Variants in MAPK14 observed in about 807,000 individuals in gnomAD.
MAPK14 encodes the protein CSAID-binding protein.
In MAPK14, 16 loss-of-function variants were observed where a neutral mutation model predicts 49.6. That is an observed-to-expected ratio of 0.32 (90% CI 0.22 to 0.49). The LOEUF is 0.49. Among genes scored for constraint, MAPK14 ranks in the 20% least tolerant of loss-of-function variants. MAPK14 has a pLI of 0.99. For synonymous variants in MAPK14, 142 were observed against 158.0 expected (o/e 0.90, Z 0.76); for missense variants, 200 against 441.2 (o/e 0.45, Z 4.90).
chr6:36,060,763 A>G (rs1362796744), intron 3 of MAPK14, among the ~76,000 whole-genome samples: 2 of 152,256 alleles, frequency 1.3e-5, no homozygotes, highest in African/African-American at 4.8e-5. Flanking sequence ...AAAGGGAAGG[A>G]GGAAAGGTGG....
At chr6:36,047,619 A>T (rs1763230648) in intron 1 of MAPK14, among the ~76,000 whole-genome samples, 1 of 152,226 alleles carries the variant, frequency 6.6e-6, no homozygotes, top group South Asian at 2.1e-4. Context: ...GCTAGAGTGC[A>T]GTGGTGCCAT....
chr6:36,098,026 T>G (rs1232815784), intron 9 of MAPK14: 1 of 152,100 alleles, frequency 6.6e-6, no homozygotes, highest in Admixed American at 6.5e-5. Flanking sequence ...AAGTACCTGT[T>G]TATCTTAAAA....
chr6:36,105,642 A>T (rs1284891524), intron 10 of MAPK14, among the ~76,000 whole-genome samples: 1 of 152,224 alleles, frequency 6.6e-6, no homozygotes, highest in Non-Finnish European at 1.5e-5. Context: ...TTGAATTGAC[A>T]CATGAATATT....
intron 8 of MAPK14, among the ~76,000 whole-genome samples, chr6:36,094,972 CAG>C (rs1193231266): frequency 6.6e-6 from 1 of 152,122 alleles, no homozygotes; most frequent in Non-Finnish European, 1.5e-5. Context: ...CCTGATGGGT[CAG>C]AAGACAGTCA....
intron 3 of MAPK14, among the ~76,000 whole-genome samples, chr6:36,070,466 G>A (rs900348765): frequency 1.3e-5 from 2 of 152,330 alleles, no homozygotes; most frequent in East Asian, 1.9e-4. Flanking sequence ...GAGACATAAT[G>A]AGTACATGGA....
the MAPK14 span, among the ~76,000 whole-genome samples, chr6:36,121,415 G>A: frequency 1.3e-5 from 2 of 152,192 alleles, no homozygotes; most frequent in Admixed American, 1.3e-4. Flanking sequence ...CCCTCAAGCT[G>A]CCCAGCTGGA....
chr6:36,110,674 A>C lies in MAPK14; in HGVS notation c.*2227A>C, dbSNP rs1765939931. On this transcript the variant is annotated 3_prime_UTR_variant, in exon 12 of 12. Coordinates refer to ENST00000229794, the MANE Select transcript of MAPK14 (RefSeq NM_139012.3). The stretch of plus-strand genomic sequence containing the variant: ...TGAGGGAAATTGCTATTTTATTTGT[A>C]TTCATGAACTTGGCTGTAATCAGTT... 1 of 152,418 alleles carries C rather than the reference A, an allele frequency of 6.6e-6. No individual in the cohort carries two copies. The highest frequency in any genetic ancestry group is 6.5e-5 in the Admixed American group (1 of 15,284). 9.4% of individuals were successfully genotyped at this position (152,418 alleles called of 1,614,324 possible).
chr6:36,037,072 A>G (rs1253476950), intron 1 of MAPK14, among the ~76,000 whole-genome samples: 1 of 152,138 alleles, frequency 6.6e-6, no homozygotes, highest in African/African-American at 2.4e-5. Context: ...AGGTATGTGC[A>G]TATATATATT....
chr6:36,031,796 G>A lies in MAPK14; in HGVS notation c.116+3523G>A, dbSNP rs1395770827. On this transcript the variant is annotated intron_variant, in intron 1 of 11. Transcript: ENST00000229794. ...ATTTAGGGAATTTGGACTCAAGTCT[G>A]ATAAGAAAGATAAGGCAATCAGGTT... is the stretch of plus-strand genomic sequence containing the variant. Among the ~76,000 whole-genome samples, 2 of 152,254 alleles carry A rather than the reference G, an allele frequency of 1.3e-5. 1 individual carries two copies. The highest frequency in any genetic ancestry group is 4.2e-4 in the South Asian group (2 of 4,818).
Position 36,109,751 on chromosome 6 carries a change from T to C in MAPK14, c.*1304T>C, listed in dbSNP as rs1801402. 5 of 152,634 alleles carry C rather than the reference T, an allele frequency of 3.3e-5. No individual in the cohort carries two copies. Among genetic ancestry groups the C allele is most frequent in the Admixed American group, 1.3e-4 (2 of 15,282 alleles). The allele number at this position is 152,634 out of a possible 1,614,324, so 9.5% of individuals were successfully genotyped here. ...AGTTATTCTCTTCACTCCCAATAACTAATGCTAAGAAATGCTGAAAATCAA... is the reference window on the plus strand; with the variant it reads ...AGTTATTCTCTTCACTCCCAATAACCAATGCTAAGAAATGCTGAAAATCAA... On this transcript the variant is annotated 3_prime_UTR_variant, in exon 12 of 12. Coordinates refer to ENST00000229794, the MANE Select transcript of MAPK14 (RefSeq NM_139012.3).
intron 2 of MAPK14, among the ~76,000 whole-genome samples, chr6:36,056,901 T>C (rs1256714726): frequency 6.6e-6 from 1 of 152,068 alleles, no homozygotes; most frequent in African/African-American, 2.4e-5. Flanking sequence ...AGACCAGAGG[T>C]CTTAAGCCAG....
chr6:36,114,754 A>C (rs201604808), downstream of MAPK14, among the ~76,000 whole-genome samples: 8 of 152,310 alleles, frequency 5.3e-5, no homozygotes, highest in Non-Finnish European at 7.4e-5. Flanking sequence ...TTAAAAAAAA[A>C]CAGTAGGTTG....
At chr6:36,098,777 C>G (rs1287228588) in intron 9 of MAPK14, among the ~76,000 whole-genome samples, 3 of 152,168 alleles carry the variant, frequency 2.0e-5, no homozygotes, top group African/African-American at 4.8e-5. Context: ...TGCTGGTTTA[C>G]TTTGTGGCCC....
rs1765930193 is a variant in MAPK14, at chr6:36,110,378, T to C, written c.*1931T>C. Reference sequence around the variant, plus strand: ...GTGAACCTTTAAAGTAAAGGCCTCATCTCCTTTATTGCAGTTCAAATCCTC... The same window carrying C: ...GTGAACCTTTAAAGTAAAGGCCTCACCTCCTTTATTGCAGTTCAAATCCTC... On this transcript the variant is annotated 3_prime_UTR_variant, in exon 12 of 12. Transcript: ENST00000229794. The C allele has an allele frequency of 6.5e-6, 1 of 152,674 alleles. No homozygotes were observed. The allele number at this position is 152,674 out of a possible 1,614,324, so 9.5% of individuals were successfully genotyped here. A position where few individuals can be genotyped will look rare whatever the true frequency, so the allele number is the denominator to read the frequency against.
chr6:36,066,135 C>T (rs1474427998), intron 3 of MAPK14, among the ~76,000 whole-genome samples: 1 of 152,110 alleles, frequency 6.6e-6, no homozygotes, highest in Non-Finnish European at 1.5e-5. Flanking sequence ...CACAACAATC[C>T]TGTGAAACAG....
chr6:36,073,640 A>G (rs746226598), intron 4 of MAPK14, 51 bp from the exon 5 acceptor site: 7 of 1,424,720 alleles, frequency 4.9e-6, no homozygotes, highest in Non-Finnish European at 3.0e-6. Context: ...TATGTTATAT[A>G]ATATGACAAT....
At chr6:36,038,360 C>A (rs1176795860) in intron 1 of MAPK14, among the ~76,000 whole-genome samples, 1 of 152,074 alleles carries the variant, frequency 6.6e-6, no homozygotes, top group Admixed American at 6.6e-5. Flanking sequence ...GCTAAATGAA[C>A]CAGGGGCCAA....
At chr6:36,032,659 A>C (rs1354376489) in intron 1 of MAPK14, among the ~76,000 whole-genome samples, 3 of 152,236 alleles carry the variant, frequency 2.0e-5, no homozygotes, top group Non-Finnish European at 4.4e-5. Context: ...TTGAATACCT[A>C]CCATGGGCCA....
At chr6:36,073,859 T>C in intron 5 of MAPK14, 139 bp downstream of exon 5, 3 of 990,506 alleles carry the variant, frequency 3.0e-6, no homozygotes, top group South Asian at 3.0e-5. Context: ...TTTAAGCTGA[T>C]TAAAGAAAGA....
Sources: allele counts gnomAD v4.1 joint callset (sites outside exome capture counted in the v4.1 genomes callset), GRCh38; gene constraint gnomAD v4.1.1; transcripts MANE v1.5; gene names NCBI Gene and HGNC (gene_info 2026-07-23, HGNC 2026-07-21).